TRIM24: variants seen among roughly 807,000 people sequenced by gnomAD.
The protein encoded by TRIM24 is tripartite motif containing 24, also known as transcription intermediary factor 1-alpha.
Under a neutral mutation model 123.9 loss-of-function variants are expected in TRIM24, and 29 were observed. The ratio of observed to expected loss-of-function variants is 0.23; its 90% CI spans 0.17 to 0.32. TRIM24 has a LOEUF of 0.32. TRIM24 is among the 10% of genes least tolerant of loss of function. TRIM24 has a pLI of 1.00. For missense variants in TRIM24, 932 were observed against 1,295.3 expected (o/e 0.72, Z 4.31); for synonymous variants, 456 against 461.1 (o/e 0.99, Z 0.14).
intron 13 of TRIM24, 52 bp from the exon 14 acceptor site, chr7:138,577,368 G>T: frequency 7.2e-7 from 1 of 1,380,902 alleles, no homozygotes; most frequent in Non-Finnish European, 9.6e-7. Context: ...TTTTTATGAG[G>T]TATTTAGCTT....
chr7:138,570,684 T>C (rs1294886657), intron 10 of TRIM24, 146 bp from the exon 11 acceptor site: 3 of 575,034 alleles, frequency 5.2e-6, no homozygotes, highest in Admixed American at 3.7e-5. Flanking sequence ...AAATTATATA[T>C]ACTTGTGCAG....
intron 1 of TRIM24, among the ~76,000 whole-genome samples, chr7:138,498,328 C>A (rs7795981): frequency 2.0e-5 from 3 of 151,452 alleles, no homozygotes; most frequent in East Asian, 3.9e-4. Flanking sequence ...GGGTTCAAGC[C>A]ATCCTCCTGC....
chr7:138,488,662 G>C (rs758861046), intron 1 of TRIM24, among the ~76,000 whole-genome samples: 3 of 152,210 alleles, frequency 2.0e-5, no homozygotes, highest in Non-Finnish European at 4.4e-5. Flanking sequence ...GCGGTTTTAA[G>C]TGAGTTTCTT....
chr7:138,515,469 G>C (rs1327028096), intron 3 of TRIM24, 110 bp downstream of exon 3: 1 of 1,248,934 alleles, frequency 8.0e-7, no homozygotes, highest in African/African-American at 1.5e-5. Context: ...TAAATATACT[G>C]TTTTAAGTAA....
chr7:138,522,315 G>A lies in TRIM24; in HGVS notation c.765-2926G>A, dbSNP rs1455221341. On this transcript the variant is annotated intron_variant, in intron 4 of 18. Coordinates refer to ENST00000343526, the MANE Select transcript of TRIM24 (RefSeq NM_015905.3). ...GGCACCATTGCACCCTGGCCGAGGC[G>A]ACAACAGCAAAACTCCATCTCAAAA... Among the ~76,000 whole-genome samples the A allele has an allele frequency of 4.0e-5, 6 of 149,302 alleles. No individual in the cohort carries two copies. In the South Asian group the frequency reaches 6.3e-4, roughly 16 times the overall value.
intron 7 of TRIM24, among the ~76,000 whole-genome samples, chr7:138,543,849 G>A (rs1488953072): frequency 6.6e-6 from 1 of 151,856 alleles, no homozygotes; most frequent in African/African-American, 2.4e-5. Context: ...TGTTGTTGTT[G>A]TTTGAAACAG....
At chr7:138,494,021 G>T (rs1034732295) in intron 1 of TRIM24, among the ~76,000 whole-genome samples, 2 of 151,862 alleles carry the variant, frequency 1.3e-5, no homozygotes, top group African/African-American at 4.8e-5. Flanking sequence ...CACTCTTATT[G>T]CCCAGGCTGG....
At chr7:138,559,796 G>A (rs1292502589) in intron 9 of TRIM24, among the ~76,000 whole-genome samples, 2 of 152,196 alleles carry the variant, frequency 1.3e-5, no homozygotes, top group African/African-American at 2.4e-5. Flanking sequence ...AGTGGGAGTG[G>A]ACAAGATTAC....
At position 138,515,333 on chromosome 7, in the gene TRIM24, TCAGA is replaced by T. The variant is rs1796372753; in HGVS notation, c.610_613del (p.Gln204LysfsTer27). ...GTAAAGTTCACAAAAGACCACACTG[TCAGA>T]CAGAAAGAGGAAGTATCTCCAGGTA... On this transcript the variant is annotated frameshift_variant, in exon 3 of 19. Coordinates refer to ENST00000343526, the MANE Select transcript of TRIM24 (RefSeq NM_015905.3). LOFTEE classifies it high-confidence loss of function. The T allele has an allele frequency of 1.2e-6, 2 of 1,614,110 alleles. No individual in the cohort carries two copies. Among genetic ancestry groups the T allele is most frequent in the Non-Finnish European group, 1.7e-6 (2 of 1,179,978 alleles).
Position 138,584,834 on chromosome 7 carries a change from A to G in TRIM24, c.3036A>G (p.Lys1012=), listed in dbSNP as rs1456307446. Residue 1012 remains lysine, a synonymous_variant, in exon 19 of 19, where the codon AAA becomes AAG. Coordinates refer to ENST00000343526, the MANE Select transcript of TRIM24 (RefSeq NM_015905.3). ...KNLYPEKRFP[K]PEFRNESEDN... ...TCTATCCAGAAAAAAGGTTTCCCAA[A>G]CCAGAATTCAGGAATGAATCAGAAG... is the stretch of plus-strand genomic sequence containing the variant. 3.1e-6 allele frequency: 5 copies of G among 1,613,644 alleles called. No individual in the cohort carries two copies. The highest frequency in any genetic ancestry group is 1.7e-5 in the Admixed American group (1 of 59,958).
intron 1 of TRIM24, among the ~76,000 whole-genome samples, chr7:138,492,497 C>G (rs1795816413): frequency 6.6e-6 from 1 of 152,044 alleles, no homozygotes; most frequent in Admixed American, 6.6e-5. Flanking sequence ...AAGGGGACAT[C>G]CTGCAAAGTA....
chr7:138,501,887 C>CAAAAAAAAAAAAAAAA (rs561303066), intron 1 of TRIM24, among the ~76,000 whole-genome samples: 2 of 136,536 alleles, frequency 1.5e-5, no homozygotes, highest in African/African-American at 5.5e-5. Context: ...GACTCCGTCT[C>CAAAAAAAAAAAAAAAA]AAAAAAAAAA....
At chr7:138,529,011 C>T (rs1796671396) in intron 5 of TRIM24, 105 bp from the exon 6 acceptor site, 1 of 525,306 alleles carries the variant, frequency 1.9e-6, no homozygotes, top group Non-Finnish European at 3.3e-6. Context: ...AGAAATAGAG[C>T]TTCTAAGGGC....
intron 7 of TRIM24, among the ~76,000 whole-genome samples, chr7:138,549,306 G>A (rs1378505316): frequency 1.3e-5 from 2 of 152,168 alleles, no homozygotes; most frequent in Non-Finnish European, 2.9e-5. Context: ...GAAGGGAGAA[G>A]TCAAAAAACT....
chr7:138,506,082 A>C (rs569932492), intron 2 of TRIM24, among the ~76,000 whole-genome samples: 1 of 152,286 alleles, frequency 6.6e-6, no homozygotes, highest in East Asian at 1.9e-4. Context: ...TTTTTGTTGA[A>C]TTTTTAGTTT....
intron 1 of TRIM24, 33 bp from the exon 2 acceptor site, chr7:138,504,257 T>C: frequency 2.1e-6 from 3 of 1,455,268 alleles, no homozygotes; most frequent in Non-Finnish European, 2.8e-6. Context: ...TATATTTGTA[T>C]TAAAACTTAG....
intron 1 of TRIM24, among the ~76,000 whole-genome samples, chr7:138,469,391 C>T (rs1795221793): frequency 6.6e-6 from 1 of 151,402 alleles, no homozygotes; most frequent in Non-Finnish European, 1.5e-5. Flanking sequence ...TCACTGCAAC[C>T]TCCACCTCCC....
At chr7:138,584,646 A>G in intron 18 of TRIM24, 96 bp from the exon 19 acceptor site, 1 of 924,620 alleles carries the variant, frequency 1.1e-6, no homozygotes, top group Non-Finnish European at 1.6e-6. Flanking sequence ...TTCAATGACT[A>G]TGCATGAACA....
chr7:138,564,604 T>C (rs1584741151), intron 9 of TRIM24, among the ~76,000 whole-genome samples: 1 of 152,218 alleles, frequency 6.6e-6, no homozygotes, highest in Admixed American at 6.5e-5. Flanking sequence ...GCTGCAACCA[T>C]GCAGGTCAAG....
Sources: allele counts gnomAD v4.1 joint callset (sites outside exome capture counted in the v4.1 genomes callset), GRCh38; gene constraint gnomAD v4.1.1; transcripts MANE v1.5; gene names NCBI Gene and HGNC (gene_info 2026-07-23, HGNC 2026-07-21).